CCDC171: variants seen among roughly 807,000 people sequenced by gnomAD.
CCDC171 encodes the protein coiled-coil domain containing 171.
In CCDC171, 177 loss-of-function variants were observed where a neutral mutation model predicts 168.2. That is an observed-to-expected ratio of 1.05 (90% CI 0.93 to 1.19). The LOEUF (loss-of-function observed/expected upper bound fraction) is 1.19, where lower values mean the gene tolerates loss of function less well. Ranked by LOEUF, CCDC171 falls within the 50% of genes most tolerant of loss-of-function variation. CCDC171 has a pLI of 0.00. For synonymous variants in CCDC171, 687 were observed against 540.8 expected, an observed-to-expected ratio of 1.27 and a Z score of -3.75; for missense variants, 1,991 against 1,539.0, an observed-to-expected ratio of 1.29 and a Z score of -4.91.
At chr9:15,695,141 A>G in intron 10 of CCDC171, 94 bp from the exon 11 acceptor site, 2 of 758,302 alleles carry the variant, frequency 2.6e-6, no homozygotes, top group Admixed American at 2.1e-5. Context: ...TGGAATCATT[A>G]TCTTGTTTAT....
intron 21 of CCDC171, among the ~76,000 whole-genome samples, chr9:15,796,635 T>G (rs2058569698): frequency 6.6e-6 from 1 of 152,240 alleles, no homozygotes; most frequent in Non-Finnish European, 1.5e-5. Context: ...AGCTCCCTGC[T>G]CAACCCTGCG....
chr9:16,061,191 A>G (rs1322319910), exon 2 of CCDC171: 4 of 152,204 alleles, frequency 2.6e-5, no homozygotes, highest in African/African-American at 9.6e-5. Flanking sequence ...GGCTTTCTAT[A>G]AAATGGAATT....
chr9:16,104,551 A>G, the CCDC171 span, among the ~76,000 whole-genome samples: 2 of 152,162 alleles, frequency 1.3e-5, no homozygotes, highest in African/African-American at 4.8e-5. Flanking sequence ...CTGGACCCAC[A>G]GAGATTTCAG....
At chr9:15,970,100 T>C (rs1446695354) in intron 25 of CCDC171, among the ~76,000 whole-genome samples, 1 of 152,158 alleles carries the variant, frequency 6.6e-6, no homozygotes, top group Non-Finnish European at 1.5e-5. Context: ...ATGATTTCCG[T>C]CAGCTATTGG....
At chr9:15,754,889 AATAG>A (rs1214764384) in intron 18 of CCDC171, among the ~76,000 whole-genome samples, 1 of 152,174 alleles carries the variant, frequency 6.6e-6, no homozygotes, top group African/African-American at 2.4e-5. Context: ...CAGAATAATA[AATAG>A]ATTTTGTAAA....
At chr9:15,766,894 T>C (rs967158563) in intron 18 of CCDC171, among the ~76,000 whole-genome samples, 1 of 152,170 alleles carries the variant, frequency 6.6e-6, no homozygotes. Flanking sequence ...ACTCCCGGCC[T>C]CAAGCAATCC....
chr9:15,909,056 C>G (rs900271696), intron 24 of CCDC171, among the ~76,000 whole-genome samples: 11 of 152,166 alleles, frequency 7.2e-5, no homozygotes. Context: ...AGAAGTACGA[C>G]TCCAATTGAG....
chr9:15,981,307 A>G (rs963897235), intron 3 of CCDC171, among the ~76,000 whole-genome samples: 1 of 152,122 alleles, frequency 6.6e-6, no homozygotes, highest in Admixed American at 6.6e-5. Context: ...GAGAACACTC[A>G]CTCTTTCTCC....
chr9:15,627,801 T>A (rs2045295075), intron 7 of CCDC171, among the ~76,000 whole-genome samples: 2 of 152,218 alleles, frequency 1.3e-5, no homozygotes, highest in Admixed American at 6.5e-5. Flanking sequence ...TCTGTTGATT[T>A]TGCATGGAGA....
At chr9:15,921,815 A>G (rs531207755) in intron 25 of CCDC171, among the ~76,000 whole-genome samples, 1 of 151,574 alleles carries the variant, frequency 6.6e-6, no homozygotes, top group South Asian at 2.1e-4. Context: ...AGCCTTTTTC[A>G]TATTTCTTCT....
intron 18 of CCDC171, among the ~76,000 whole-genome samples, chr9:15,763,560 A>T (rs79238104): frequency 0.028 from 4,274 of 152,060 alleles, 225 homozygotes; most frequent in African/African-American, 0.098. Context: ...TACAAAAAAC[A>T]CTCTAATCAC....
chr9:15,671,459 TACATTAGGTCTTC>T (rs2049104343), intron 9 of CCDC171, among the ~76,000 whole-genome samples: 1 of 152,116 alleles, frequency 6.6e-6, no homozygotes, highest in South Asian at 2.1e-4. Context: ...TCAACTCGCT[TACATTAGGTCTTC>T]ACATTAGGTC....
At chr9:15,721,031 T>G (rs2053445541) in intron 11 of CCDC171, among the ~76,000 whole-genome samples, 1 of 152,224 alleles carries the variant, frequency 6.6e-6, no homozygotes, top group Non-Finnish European at 1.5e-5. Flanking sequence ...CTACGTTTGA[T>G]CATGTGACCT....
chr9:15,798,343 A>C (rs960908701), intron 21 of CCDC171, among the ~76,000 whole-genome samples: 1 of 151,920 alleles, frequency 6.6e-6, no homozygotes, highest in Non-Finnish European at 1.5e-5. Context: ...TTTGTTGTTC[A>C]TTTCAAAAAA....
At chr9:15,614,999 A>C (rs1002403265) in intron 6 of CCDC171, among the ~76,000 whole-genome samples, 5 of 152,202 alleles carry the variant, frequency 3.3e-5, no homozygotes, top group Admixed American at 1.3e-4. Context: ...TTCCAGTTTT[A>C]TGTAAACTCC....
chr9:16,052,883 G>T (rs914226583), intron 1 of CCDC171, among the ~76,000 whole-genome samples: 2 of 150,866 alleles, frequency 1.3e-5, no homozygotes, highest in Non-Finnish European at 2.9e-5. Context: ...CAAACGGAAT[G>T]TGAGTCTTTC....
At chr9:16,035,505 T>C (rs1373592428) in exon 7 of CCDC171, 5 of 152,188 alleles carry the variant, frequency 3.3e-5, no homozygotes, top group African/African-American at 1.2e-4. Context: ...ATTTATGAAC[T>C]GAAGAACACT....
Position 15,858,905 on chromosome 9 carries a change from G to C in CCDC171, c.3468+9958G>C, listed in dbSNP as rs889789826. ...TTTTCTTGCCAAATCACGCTTGCTA[G>C]GACATTCAGTGATATGTTGAATACA... On this transcript the variant is annotated intron_variant, in intron 23 of 25. Transcript: ENST00000380701. Among the ~76,000 whole-genome samples the C allele has an allele frequency of 8.6e-5, 13 of 151,998 alleles. 1 individual carries two copies. The highest frequency in any genetic ancestry group is 3.3e-4 in the Admixed American group (5 of 15,250).
chr9:15,692,797 G>T (rs899422482), intron 10 of CCDC171, among the ~76,000 whole-genome samples: 3 of 151,018 alleles, frequency 2.0e-5, no homozygotes, highest in East Asian at 2.0e-4. Flanking sequence ...AAAGTGCTGG[G>T]ATTACAGGCG....
Sources: gnomAD v4.1 joint callset for allele counts (sites outside exome capture counted in the v4.1 genomes callset) on GRCh38, gnomAD v4.1.1 for gene constraint, MANE v1.5 for transcripts, NCBI Gene and HGNC (gene_info 2026-07-23, HGNC 2026-07-21) for gene names.